KCND3: variants seen among roughly 807,000 people sequenced by gnomAD.
KCND3 encodes the protein A-type voltage-gated potassium channel KCND3.
A neutral mutation model predicts 51.1 loss-of-function variants in KCND3; 9 were observed. The ratio of observed to expected loss-of-function variants is 0.18; its 90% CI spans 0.11 to 0.31. The LOEUF (loss-of-function observed/expected upper bound fraction) is 0.31. Among genes scored for constraint, KCND3 ranks in the 10% least tolerant of loss-of-function variants. The pLI is 1.00. For missense variants in KCND3, 526 were observed against 903.8 expected, an observed-to-expected ratio of 0.58 and a Z score of 5.36; for synonymous variants, 349 against 368.0, an observed-to-expected ratio of 0.95 and a Z score of 0.59.
intron 2 of KCND3, among the ~76,000 whole-genome samples, chr1:111,933,861 G>A (rs1460510326): frequency 6.6e-6 from 1 of 152,152 alleles, no homozygotes; most frequent in African/African-American, 2.4e-5. Context: ...TCAGTAATCT[G>A]GATTAAAGTA....
At chr1:111,854,010 A>G (rs1005628163) in intron 2 of KCND3, 8 of 152,322 alleles carry the variant, frequency 5.3e-5, no homozygotes, top group African/African-American at 1.9e-4. Context: ...TGTTTGCTAA[A>G]TATCTGCTGA....
chr1:111,776,343 C>A, intron 7 of KCND3, 65 bp from the exon 8 acceptor site: 1 of 1,477,038 alleles, frequency 6.8e-7, no homozygotes, highest in East Asian at 2.3e-5. Flanking sequence ...CTTCCTTGAC[C>A]CCCTACATTT....
At chr1:111,900,013 T>C (rs183325462) in intron 2 of KCND3, among the ~76,000 whole-genome samples, 50 of 152,254 alleles carry the variant, frequency 3.3e-4, no homozygotes, top group African/African-American at 1.2e-3. Context: ...GCAGGGGTAG[T>C]AGAATCAACT....
Position 111,775,820 on chromosome 1 carries a change from C to T in KCND3, c.*257G>A, listed in dbSNP as rs1054726960. On this transcript the variant is annotated 3_prime_UTR_variant, in exon 8 of 8. Coordinates refer to ENST00000302127, the MANE Select transcript of KCND3 (RefSeq NM_001378969.1). The stretch of plus-strand genomic sequence containing the variant: ...CCTATATCCCCCGGCCTATCCCCGA[C>T]CCCCCCACCCTCCCTCCCTTCCTCT... 2.3e-4 allele frequency: 29 copies of T among 124,966 alleles called. 4 individuals carry two copies. The East Asian group carries it at 4.6e-3, about 20-fold the overall frequency. The allele number at this position is 124,966 out of a possible 1,614,324, so 7.7% of individuals were successfully genotyped here. A position where few individuals can be genotyped will look rare whatever the true frequency, so the allele number is the denominator to read the frequency against.
chr1:111,887,246 C>T (rs572381216), intron 2 of KCND3, among the ~76,000 whole-genome samples: 16 of 152,284 alleles, frequency 1.1e-4, no homozygotes, highest in African/African-American at 3.4e-4. Flanking sequence ...ATTATGCTTC[C>T]TGACTCACAA....
chr1:111,895,159 A>C (rs1670042521), intron 2 of KCND3, among the ~76,000 whole-genome samples: 1 of 125,318 alleles, frequency 8.0e-6, no homozygotes. Context: ...AGGAGAAGGA[A>C]GGAGGGGGAA....
chr1:111,846,889 T>G (rs1442271504), intron 2 of KCND3, among the ~76,000 whole-genome samples: 2 of 152,082 alleles, frequency 1.3e-5, no homozygotes, highest in African/African-American at 4.8e-5. Flanking sequence ...TGGATTCAGG[T>G]TTGAACGCAG....
intron 2 of KCND3, chr1:111,910,678 A>T (rs1327533953): frequency 1.3e-5 from 2 of 152,206 alleles, no homozygotes; most frequent in African/African-American, 4.8e-5. Flanking sequence ...TAACCAGGAC[A>T]TTGCCCAGGC....
intron 2 of KCND3, among the ~76,000 whole-genome samples, chr1:111,849,453 G>T (rs1167522403): frequency 6.6e-6 from 1 of 152,208 alleles, no homozygotes; most frequent in Non-Finnish European, 1.5e-5. Flanking sequence ...AGGACTCAAG[G>T]AATCCCACCT....
At chr1:111,972,310 C>T (rs1674380322) in intron 2 of KCND3, among the ~76,000 whole-genome samples, 1 of 149,900 alleles carries the variant, frequency 6.7e-6, no homozygotes, top group Non-Finnish European at 1.5e-5. Context: ...GTAGCTGGGA[C>T]TACAGGCGCC....
intron 2 of KCND3, among the ~76,000 whole-genome samples, chr1:111,839,097 C>A (rs922014107): frequency 1.3e-5 from 2 of 152,214 alleles, no homozygotes; most frequent in Admixed American, 1.3e-4. Context: ...AGAGTTTCAT[C>A]GGTTTGACAT....
At chr1:111,855,063 C>T (rs1668001303) in intron 2 of KCND3, among the ~76,000 whole-genome samples, 1 of 152,184 alleles carries the variant, frequency 6.6e-6, no homozygotes, top group Admixed American at 6.5e-5. Context: ...TGTCTCCATC[C>T]TGGTCTGGCC....
At chr1:111,892,984 C>T (rs781717210) in intron 2 of KCND3, among the ~76,000 whole-genome samples, 6 of 152,108 alleles carry the variant, frequency 3.9e-5, no homozygotes, top group African/African-American at 7.2e-5. Context: ...GACTTGCAAA[C>T]GTGATTAGAC....
chr1:111,902,334 A>G (rs1216724314), intron 2 of KCND3, among the ~76,000 whole-genome samples: 1 of 152,214 alleles, frequency 6.6e-6, no homozygotes, highest in African/African-American at 2.4e-5. Flanking sequence ...ATCCAGTGGC[A>G]ACTGAATGAG....
intron 3 of KCND3, among the ~76,000 whole-genome samples, chr1:111,786,215 G>C (rs1008025074): frequency 6.6e-6 from 1 of 152,274 alleles, no homozygotes; most frequent in Admixed American, 6.5e-5. Context: ...AGTTGGCTGA[G>C]TTGATGAGTT....
At chr1:111,831,075 GA>G (rs1490622677) in intron 2 of KCND3, among the ~76,000 whole-genome samples, 1 of 152,250 alleles carries the variant, frequency 6.6e-6, no homozygotes, top group Non-Finnish European at 1.5e-5. Context: ...TCCTGGCCTG[GA>G]AGGTTTTCCA....
chr1:111,781,164 G>C (rs762030469), intron 3 of KCND3, among the ~76,000 whole-genome samples: 4 of 152,172 alleles, frequency 2.6e-5, no homozygotes, highest in African/African-American at 4.8e-5. Flanking sequence ...TTAGAGGAGT[G>C]TATGTGATAG....
At chr1:111,807,861 T>A (rs764935877) in intron 2 of KCND3, among the ~76,000 whole-genome samples, 1 of 152,214 alleles carries the variant, frequency 6.6e-6, no homozygotes, top group Non-Finnish European at 1.5e-5. Context: ...TGTTAAGTGA[T>A]GCATGGCTGT....
chr1:111,824,076 T>A (rs1571696492), intron 2 of KCND3, among the ~76,000 whole-genome samples: 2 of 151,524 alleles, frequency 1.3e-5, no homozygotes, highest in East Asian at 3.9e-4. Flanking sequence ...CTAAAAACAT[T>A]TTTAGTTATG....
Sources: gnomAD v4.1 joint callset for allele counts (sites outside exome capture counted in the v4.1 genomes callset) on GRCh38, gnomAD v4.1.1 for gene constraint, MANE v1.5 for transcripts, NCBI Gene and HGNC (gene_info 2026-07-23, HGNC 2026-07-21) for gene names.